Variants in NOL3 observed in about 807,000 individuals in gnomAD.
NOL3 encodes nucleolar protein 3, also known as muscle-enriched cytoplasmic protein.
NOL3 carries 18 observed loss-of-function variants against 19.2 expected under a neutral mutation model. The ratio of observed to expected loss-of-function variants is 0.94; its 90% CI spans 0.65 to 1.39. NOL3 has a LOEUF of 1.39. Ranked by LOEUF, NOL3 falls within the 40% of genes most tolerant of loss-of-function variation. The pLI, the probability that NOL3 is intolerant of heterozygous loss-of-function variation, is 0.00. For missense variants in NOL3, 290 were observed against 289.5 expected (o/e 1.00, Z -0.01); for synonymous variants, 127 against 137.3 (o/e 0.93, Z 0.52).
intron 1 of NOL3, chr16:67,173,909 C>A: frequency 2.6e-6 from 4 of 1,535,972 alleles, no homozygotes; most frequent in Non-Finnish European, 3.5e-6. Context: ...AGGAGAGCCA[C>A]GGCTGACGCT....
exon 3 of NOL3, chr16:67,174,937 G>A: frequency 1.2e-6 from 2 of 1,611,974 alleles, no homozygotes; most frequent in Non-Finnish European, 1.7e-6. Context: ...AAAGGGACGA[G>A]TCCGAAGGTG....
At chr16:67,174,795 T>A in exon 3 of NOL3, 1 of 1,606,328 alleles carries the variant, frequency 6.2e-7, no homozygotes, top group Non-Finnish European at 8.5e-7. Context: ...GAGCCAGAGC[T>A]GGAAGCTGAG....
chr16:67,175,599 T>C (rs1381560643), exon 4 of NOL3: 1 of 157,016 alleles, frequency 6.4e-6, no homozygotes. Flanking sequence ...GCCACACACA[T>C]CATTGTCATT....
At chr16:67,174,763 A>G (rs767040719) in exon 3 of NOL3, 6 of 1,609,562 alleles carry the variant, frequency 3.7e-6, no homozygotes, top group South Asian at 1.1e-5. Context: ...AGGCGGTGCA[A>G]TCCGGGACCC....
chr16:67,174,347 C>T (rs1363718071), exon 2 of NOL3: 1 of 1,590,634 alleles, frequency 6.3e-7, no homozygotes, highest in Non-Finnish European at 8.5e-7. Context: ...CAGGGTGCGC[C>T]GCCTACTGCT....
chr16:67,172,934 T>C (rs1184706271), intron 1 of NOL3: 3 of 63,140 alleles, frequency 4.8e-5, no homozygotes, highest in African/African-American at 1.9e-4. Flanking sequence ...TCCACTAAAA[T>C]AAATAAATAC....
intron 1 of NOL3, among the ~76,000 whole-genome samples, chr16:67,173,160 G>A (rs908005496): frequency 2.0e-5 from 3 of 151,684 alleles, no homozygotes; most frequent in South Asian, 2.1e-4. Flanking sequence ...GTCCAAGTTC[G>A]GCAAGTATTT....
chr16:67,171,028 C>G (rs1016772188), intron 1 of NOL3: 1 of 152,280 alleles, frequency 6.6e-6, no homozygotes, highest in Non-Finnish European at 1.5e-5. Context: ...AGTCTCTACC[C>G]CCAGACAGGA....
At chr16:67,172,472 C>T (rs1152083) in intron 1 of NOL3, among the ~76,000 whole-genome samples, 9,168 of 151,240 alleles carry the variant, frequency 0.061, 403 homozygotes, top group Middle Eastern at 0.11. Context: ...ATTAGCTGAG[C>T]GTGGTGCGGG....
chr16:67,174,551 G>A, intron 2 of NOL3, 70 bp from the exon 3 acceptor site: 1 of 1,491,876 alleles, frequency 6.7e-7, no homozygotes, highest in Non-Finnish European at 8.9e-7. Context: ...TGTCGTCTCC[G>A]CTAGAAGTAG....
At chr16:67,172,944 C>G (rs1175119942) in intron 1 of NOL3, 1 of 97,256 alleles carries the variant, frequency 1.0e-5, no homozygotes, top group African/African-American at 4.0e-5. Context: ...TAAATAAATA[C>G]AAAAAATATA....
Position 67,170,794 on chromosome 16 carries a change from G to A in NOL3, c.-9+220G>A, listed in dbSNP as rs966783384. ...GGTAAGGGGCGGGGGGGGAAAATCC[G>A]TGCAGTCGCACATGCGCAAAGGCTC... is the stretch of plus-strand genomic sequence containing the variant. On this transcript the variant is annotated intron_variant, in intron 1 of 3. Coordinates refer to ENST00000268605, the Ensembl canonical transcript of NOL3. The surrounding 1 kb of genome is among the most constrained non-coding windows in gnomAD (Gnocchi z 5.7). Among the ~76,000 whole-genome samples the A allele has an allele frequency of 6.6e-6, 1 of 151,696 alleles. No homozygotes were observed. The highest frequency in any genetic ancestry group is 1.5e-5 in the Non-Finnish European group (1 of 68,030).
exon 4 of NOL3, chr16:67,175,247 C>T (rs2032108574): frequency 6.8e-7 from 1 of 1,477,880 alleles, no homozygotes; most frequent in Admixed American, 2.5e-5. Context: ...GGGTGGGTAC[C>T]TCTGAGTCCC....
In NOL3 at chr16:67,175,030, G is replaced by A. The variant is rs774820469; in HGVS notation, c.620-17G>A. The A allele has an allele frequency of 2.5e-6, 4 of 1,614,082 alleles. No homozygotes were observed. The highest frequency in any genetic ancestry group is 1.7e-5 in the Admixed American group (1 of 60,020). On this transcript the variant is annotated splice_polypyrimidine_tract_variant and intron_variant, in intron 3 of 3. Coordinates refer to ENST00000268605, the Ensembl canonical transcript of NOL3. ...GCCGGACCCCACCTCTTTGACCACT[G>A]TTCCCGTCATCTCTAGATTCCTGAA...
intron 3 of NOL3, 34 bp downstream of exon 3, chr16:67,174,978 C>G (rs143155940): frequency 6.2e-7 from 1 of 1,608,408 alleles, no homozygotes; most frequent in Non-Finnish European, 8.5e-7. Context: ...GCCGGCTTGG[C>G]GGGAGGGCAT....
chr16:67,172,189 G>A (rs915609083), intron 1 of NOL3, among the ~76,000 whole-genome samples: 6 of 135,750 alleles, frequency 4.4e-5, no homozygotes, highest in Non-Finnish European at 7.8e-5. Context: ...AGGAGAAGAA[G>A]TTATTATCAG....
At chr16:67,171,159 C>T (rs1420670581) in intron 1 of NOL3, 2 of 152,330 alleles carry the variant, frequency 1.3e-5, no homozygotes, top group Admixed American at 6.5e-5. Context: ...TAGGTGCTGT[C>T]CCCCTCTCCC....
At position 67,174,480 on chromosome 16, in the gene NOL3, GGGGCCTAGGGCAGAGCAGGGACGGGGCT is replaced by G; in HGVS notation, c.295+20_295+47del. The G allele has an allele frequency of 2.7e-6, 4 of 1,479,862 alleles. No individual in the cohort carries two copies. Among genetic ancestry groups the G allele is most frequent in the Non-Finnish European group, 3.6e-6 (4 of 1,122,086 alleles). 91.7% of individuals were successfully genotyped at this position (1,479,862 alleles called of 1,614,324 possible). ...GTGGGTCCGGGTGAGCGCGCGGGGC[GGGGCCTAGGGCAGAGCAGGGACGGGGCT>G]GGGGCAGACAAAAGGCCCGGGGAGG... On this transcript the variant is annotated intron_variant, in intron 2 of 3. Coordinates refer to ENST00000268605, the Ensembl canonical transcript of NOL3.
chr16:67,174,536 A>G, intron 2 of NOL3, 72 bp downstream of exon 2: 1 of 1,478,500 alleles, frequency 6.8e-7, no homozygotes, highest in Non-Finnish European at 8.9e-7. Context: ...CGGGGAGGGC[A>G]GGGTTGTCGT....
Sources: gnomAD v4.1 joint callset for allele counts (sites outside exome capture counted in the v4.1 genomes callset) on GRCh38, gnomAD v4.1.1 for gene constraint, Gnocchi (gnomAD v3.1) non-coding constraint, MANE v1.5 for transcripts, NCBI Gene and HGNC (gene_info 2026-07-23, HGNC 2026-07-21) for gene names.